KLK5: variants seen among roughly 807,000 people sequenced by gnomAD.
The protein encoded by KLK5 is kallikrein related peptidase 5.
A neutral mutation model predicts 24.0 loss-of-function variants in KLK5; 18 were observed. The ratio of observed to expected loss-of-function variants is 0.75; its 90% CI spans 0.52 to 1.11. The LOEUF is 1.11. KLK5 is among the 50% of genes most tolerant of loss of function. The probability of loss-of-function intolerance (pLI) is 0.00; values close to 1 mark genes in which losing one functional copy is unlikely to be tolerated. For missense variants in KLK5, 374 were observed against 379.2 expected, an observed-to-expected ratio of 0.99 and a Z score of 0.11; for synonymous variants, 140 against 154.0, an observed-to-expected ratio of 0.91 and a Z score of 0.67.
rs2123566998 is a variant in KLK5, at chr19:50,948,770, T to C, written c.596A>G (p.His199Arg). The C allele has an allele frequency of 6.2e-7, 1 of 1,614,008 alleles. No homozygotes were observed. The highest frequency in any genetic ancestry group is 1.1e-5 in the South Asian group (1 of 91,074). ...GWGTTKSPQV[H>R]FPKVLQCLNI... The stretch of plus-strand genomic sequence containing the variant: ...CAAGCACTGGAGGACCTTAGGGAAG[T>C]GCACTGTCAAACAGGAACACAATGA... The change falls in exon 5 of 6, where the codon CAC becomes CGC. Residue 199 changes from histidine (H) to arginine (R), a missense_variant. His to Arg is a conservative substitution (Grantham distance 29). Transcript: ENST00000336334.
At chr19:50,946,744 A>G (rs2090639030) in intron 5 of KLK5, among the ~76,000 whole-genome samples, 1 of 151,918 alleles carries the variant, frequency 6.6e-6, no homozygotes, top group Admixed American at 6.6e-5. Context: ...TGTTTTTAGT[A>G]GAGACAGGGT....
intron 5 of KLK5, among the ~76,000 whole-genome samples, chr19:50,946,915 C>A (rs188731559): frequency 6.6e-6 from 1 of 152,226 alleles, no homozygotes; most frequent in African/African-American, 2.4e-5. Flanking sequence ...CCCCCACACC[C>A]AGGGCACAGA....
Position 50,950,044 on chromosome 19 carries a change from T to C in KLK5, c.146A>G (p.Asp49Gly). The C allele has an allele frequency of 6.2e-7, 1 of 1,613,536 alleles. No individual in the cohort carries two copies. The highest frequency in any genetic ancestry group is 8.5e-7 in the Non-Finnish European group (1 of 1,179,906). The change falls in exon 3 of 6, where the codon GAC becomes GGC. Residue 49 changes from aspartate to glycine, a missense_variant. Physicochemically the swap from Asp to Gly is moderately conservative, Grantham distance 94 (BLOSUM62 -1). Coordinates refer to ENST00000336334, the MANE Select transcript of KLK5 (RefSeq NM_012427.5). The stretch of plus-strand genomic sequence containing the variant: ...GTCTTCCCCGGCCCCAGCTCCCAGG[T>C]CCTGGTTGCTCCCAGAGGGCACGGT... ...SNTVPSGSNQ[D>G]LGAGAGEDAR...
rs550283048 is a variant in KLK5 at position 50,948,413 on chromosome 19, G to A, written c.726+227C>T. On this transcript the variant is annotated intron_variant, in intron 5 of 5. Transcript: ENST00000336334. Reference sequence around the variant, plus strand: ...GCTGGGATTACAGGTGTGAGCCACTGCGCCCAGCCTTTTTTACCTGTTTTA... The same window carrying A: ...GCTGGGATTACAGGTGTGAGCCACTACGCCCAGCCTTTTTTACCTGTTTTA... Among the ~76,000 whole-genome samples the A allele has an allele frequency of 1.2e-4, 19 of 152,196 alleles. 1 individual carries two copies. The South Asian group carries it at 3.5e-3, about 28-fold the overall frequency.
At position 50,949,084 on chromosome 19, in the gene KLK5, G is replaced by A. The variant is rs768531885; in HGVS notation, c.367C>T (p.Leu123=). ...VFRVRLGHYS[L]SPVYESGQQM... ...TGCCCAGATTCATAAACTGGTGACA[G>A]GGAGTAGTGGCCGAGACGGACTCTG... The change falls in exon 4 of 6, where the codon CTG becomes TTG. Residue 123 remains leucine, a synonymous_variant. Transcript: ENST00000336334. The A allele has an allele frequency of 4.3e-6, 7 of 1,613,320 alleles. No homozygotes were observed. In the Admixed American group the frequency reaches 1.0e-4, roughly 23 times the overall value.
rs2659092 is a variant in KLK5 at position 50,943,404 on chromosome 19, C to A, written c.*227G>T. ...TGAAAGTGCCCCAGGGAGATTGAGA[C>A]GCAACCCCCGCCCTGGACAGTTTTG... On this transcript the variant is annotated 3_prime_UTR_variant, in exon 6 of 6. Transcript: ENST00000336334. 4.4e-6 allele frequency: 2 copies of A among 450,558 alleles called. No homozygotes were observed. Among genetic ancestry groups the A allele is most frequent in the Non-Finnish European group, 7.9e-6 (2 of 252,080 alleles). The allele number at this position is 450,558 out of a possible 1,614,324, so 27.9% of individuals were successfully genotyped here.
chr19:50,952,513 G>C, intron 2 of KLK5, 72 bp downstream of exon 2: 1 of 1,146,656 alleles, frequency 8.7e-7, no homozygotes, highest in Non-Finnish European at 1.2e-6. Flanking sequence ...GTTCCCCAGG[G>C]GACAGGCGCT....
chr19:50,949,724 T>G, intron 3 of KLK5, 131 bp downstream of exon 3: 1 of 466,664 alleles, frequency 2.1e-6, no homozygotes, highest in Non-Finnish European at 3.2e-6. Context: ...ACCCTCACCT[T>G]CCATGACACC....
chr19:50,946,903 C>T (rs73932688), intron 5 of KLK5, among the ~76,000 whole-genome samples: 2,427 of 151,918 alleles, frequency 0.016, 45 homozygotes, highest in African/African-American at 0.051. Flanking sequence ...TCGCAACCCA[C>T]CCCCCCACAC....
At position 50,943,534 on chromosome 19, in the gene KLK5, T is replaced by A. The variant is rs2090606372; in HGVS notation, c.*97A>T. On this transcript the variant is annotated 3_prime_UTR_variant, in exon 6 of 6. Coordinates refer to ENST00000336334, the MANE Select transcript of KLK5 (RefSeq NM_012427.5). ...GGGTCAGGGGCTGGAGAGATGAACA[T>A]TCTCAACATCTCTGGGAAGGAATGA... 1 of 1,181,330 alleles carries A rather than the reference T, an allele frequency of 8.5e-7. No homozygotes were observed. The highest frequency in any genetic ancestry group is 2.4e-5 in the East Asian group (1 of 42,144). 73.2% of individuals were successfully genotyped at this position (1,181,330 alleles called of 1,614,324 possible).
rs1285539655 is a variant in KLK5, at chr19:50,949,854, C to T, written c.335+1G>A. ...ACCCTCCTCTTGGAACTCCCACTCA[C>T]TTCTTCCTGCAGTGGGCGGCCGTGA... On this transcript the variant is annotated splice_donor_variant, in intron 3 of 5. Transcript: ENST00000336334. LOFTEE classifies it high-confidence loss of function. 1 of 1,574,590 alleles carries T rather than the reference C, an allele frequency of 6.4e-7. No individual in the cohort carries two copies. Among genetic ancestry groups the T allele is most frequent in the East Asian group, 2.3e-5 (1 of 44,254 alleles).
chr19:50,949,798 C>CGTCCCCACCAGCCCTCCCCTCCATGACA, intron 3 of KLK5, 57 bp downstream of exon 3: 4 of 386,320 alleles, frequency 1.0e-5, no homozygotes, highest in South Asian at 3.3e-5. Context: ...CCCACTTCCC[C>CGTCCCCACCAGCCCTCCCCTCCATGACA]ACCCCCACCC....
chr19:50,948,788 C>T lies in KLK5; in HGVS notation c.593-15G>A, dbSNP rs762802055. On this transcript the variant is annotated splice_polypyrimidine_tract_variant and intron_variant, in intron 4 of 5. Coordinates refer to ENST00000336334, the MANE Select transcript of KLK5 (RefSeq NM_012427.5). The stretch of plus-strand genomic sequence containing the variant: ...AGGGAAGTGCACTGTCAAACAGGAA[C>T]ACAATGAGAAGTGGAGAAAGATGGA... 2.5e-6 allele frequency: 4 copies of T among 1,613,936 alleles called. No homozygotes were observed. The highest frequency in any genetic ancestry group is 1.7e-5 in the Admixed American group (1 of 59,996).
Position 50,950,011 on chromosome 19 carries a change from G to C in KLK5, c.179C>G (p.Ser60Trp), listed in dbSNP as rs147226771. 52 of 1,613,396 alleles carry C rather than the reference G, an allele frequency of 3.2e-5. No homozygotes were observed. Among genetic ancestry groups the C allele is most frequent in the Non-Finnish European group, 4.1e-5 (48 of 1,179,932 alleles). ...GATGATGCGGCTGCTGCTGTCATCCGACCGGGCGTCTTCCCCGGCCCCAGC... is the reference window on the plus strand; with the variant it reads ...GATGATGCGGCTGCTGCTGTCATCCCACCGGGCGTCTTCCCCGGCCCCAGC... ...LGAGAGEDARSDDSSSRIING... is the reference protein window; with the variant it reads ...LGAGAGEDARWDDSSSRIING... Residue 60 changes from serine to tryptophan, a missense_variant, in exon 3 of 6, where the codon TCG (serine) becomes TGG (tryptophan). Coordinates refer to ENST00000336334, the MANE Select transcript of KLK5 (RefSeq NM_012427.5).
intron 3 of KLK5, 116 bp downstream of exon 3, chr19:50,949,739 A>ACCCCCCTT: frequency 1.4e-5 from 6 of 432,328 alleles, no homozygotes; most frequent in Admixed American, 3.4e-5. Flanking sequence ...GACACCCCCA[A>ACCCCCCTT]CCCCACTTCC....
chr19:50,945,940 AGCTC>A (rs1204133424), intron 5 of KLK5, among the ~76,000 whole-genome samples: 4 of 152,190 alleles, frequency 2.6e-5, no homozygotes, highest in African/African-American at 9.7e-5. Flanking sequence ...TGAACTCCTG[AGCTC>A]AAGTGATCTT....
intron 2 of KLK5, among the ~76,000 whole-genome samples, chr19:50,950,873 G>GAGAGCA (rs1457774182): frequency 1.5e-5 from 2 of 130,812 alleles, no homozygotes; most frequent in Non-Finnish European, 3.2e-5. Flanking sequence ...GCCTGGGAGA[G>GAGAGCA]AGAGCAAGAC....
intron 2 of KLK5, among the ~76,000 whole-genome samples, chr19:50,950,598 G>C (rs2090678400): frequency 6.6e-6 from 1 of 152,004 alleles, no homozygotes; most frequent in Non-Finnish European, 1.5e-5. Context: ...CCTATAAAGA[G>C]CTCTGACTTT....
Position 50,943,584 on chromosome 19 carries a change from G to A in KLK5, c.*47C>T. 1.3e-6 allele frequency: 2 copies of A among 1,565,748 alleles called. No homozygotes were observed. Among genetic ancestry groups the A allele is most frequent in the Non-Finnish European group, 1.8e-6 (2 of 1,140,512 alleles). ...AGGGTCTGAAAGGAGTGTCAGGGCT[G>A]TCCCTGCAGCAGGTGGGGATGCCGG... On this transcript the variant is annotated 3_prime_UTR_variant, in exon 6 of 6. Transcript: ENST00000336334.
Sources: gnomAD v4.1 joint callset for allele counts (sites outside exome capture counted in the v4.1 genomes callset) on GRCh38, gnomAD v4.1.1 for gene constraint, MANE v1.5 for transcripts, NCBI Gene and HGNC (gene_info 2026-07-23, HGNC 2026-07-21) for gene names.